The following N4BP2 variants were observed in gnomAD, a reference collection of about 807,000 sequenced individuals.
N4BP2 encodes NEDD4-binding protein 2.
A neutral mutation model predicts 152.8 loss-of-function variants in N4BP2; 91 were observed. The ratio of observed to expected loss-of-function variants is 0.60; its 90% CI spans 0.50 to 0.71. The LOEUF (loss-of-function observed/expected upper bound fraction) is 0.71, where lower values mean the gene tolerates loss of function less well. Ranked by LOEUF, N4BP2 falls within the 30% of genes least tolerant of loss-of-function variation. The pLI, the probability that N4BP2 is intolerant of heterozygous loss-of-function variation, is 0.00. For missense variants in N4BP2, 1,923 were observed against 2,059.1 expected, an observed-to-expected ratio of 0.93 and a Z score of 1.28; for synonymous variants, 646 against 705.3, an observed-to-expected ratio of 0.92 and a Z score of 1.33.
At chr4:40,075,253 T>G (rs1340758676) in intron 2 of N4BP2, among the ~76,000 whole-genome samples, 1 of 152,178 alleles carries the variant, frequency 6.6e-6, no homozygotes, top group Non-Finnish European at 1.5e-5. Flanking sequence ...AGACTAGTAC[T>G]GCAATAAGTA....
At position 40,097,314 on chromosome 4, in the gene N4BP2, G is replaced by T; in HGVS notation, c.-27G>T. The T allele has an allele frequency of 1.3e-6, 2 of 1,580,874 alleles. No individual in the cohort carries two copies. Among genetic ancestry groups the T allele is most frequent in the Non-Finnish European group, 1.7e-6 (2 of 1,150,874 alleles). Reference sequence around the variant, plus strand: ...TGTCAAACATCTTAACTAAGAAAAGGGAAACATTTTAGTTTTGGAAGTCAG... The same window carrying T: ...TGTCAAACATCTTAACTAAGAAAAGTGAAACATTTTAGTTTTGGAAGTCAG... On this transcript the variant is annotated 5_prime_UTR_variant, in exon 3 of 18. Coordinates refer to ENST00000261435, the MANE Select transcript of N4BP2 (RefSeq NM_018177.6).
At chr4:40,189,921 TAC>T in the N4BP2 span, among the ~76,000 whole-genome samples, 108 of 149,058 alleles carry the variant, frequency 7.2e-4, no homozygotes, top group Admixed American at 9.4e-4. The surrounding 1 kb of genome is among the most constrained non-coding windows in gnomAD (Gnocchi z 4.3). Flanking sequence ...CACAGACACA[TAC>T]ACACACACAC....
At chr4:40,109,574 C>T (rs574302424) in intron 5 of N4BP2, among the ~76,000 whole-genome samples, 12 of 151,976 alleles carry the variant, frequency 7.9e-5, no homozygotes, top group Admixed American at 1.3e-4. Flanking sequence ...AAAAATTAAC[C>T]GGGCATGGTG....
chr4:40,106,374 T>C (rs74961130), intron 4 of N4BP2, among the ~76,000 whole-genome samples: 5,112 of 152,192 alleles, frequency 0.034, 118 homozygotes, highest in Non-Finnish European at 0.052. Context: ...TCCAGTGCAG[T>C]GGTGCAACCT....
rs375166755 is a variant in N4BP2, at chr4:40,133,047, G to T, written c.4646+1128G>T. On this transcript the variant is annotated intron_variant, in intron 13 of 17. Transcript: ENST00000261435. ...TTCCCTCTGCTGTGGAAAGTTTAAA[G>T]AACTTAGTACCTTGAAGGTTCTGGG... Among the ~76,000 whole-genome samples, 11 of 152,122 alleles carry T rather than the reference G, an allele frequency of 7.2e-5. No individual in the cohort carries two copies. The East Asian group carries it at 1.4e-3, about 19-fold the overall frequency.
chr4:40,097,595 T>C (rs973451756), intron 3 of N4BP2, 26 bp downstream of exon 3: 1 of 1,377,308 alleles, frequency 7.3e-7, no homozygotes, highest in African/African-American at 1.4e-5. Context: ...GTTTGAACCC[T>C]GTCCATCTTA....
Position 40,097,356 on chromosome 4 carries a change from A to G in N4BP2, c.16A>G (p.Lys6Glu). MPRRRKNLGGNPFRKT... is the reference protein window; with the variant it reads MPRRRENLGGNPFRKT... ...GGAAGTCAGAATGCCAAGGAGAAGG[A>G]AAAATCTTGGGGGAAATCCTTTTCG... The change falls in exon 3 of 18, where the codon AAA becomes GAA. Residue 6 changes from lysine to glutamate, a missense_variant. Lys to Glu is a moderately conservative substitution (Grantham distance 56, BLOSUM62 1). Coordinates refer to ENST00000261435, the MANE Select transcript of N4BP2 (RefSeq NM_018177.6). 6.2e-7 allele frequency: 1 copy of G among 1,613,200 alleles called. No homozygotes were observed. The highest frequency in any genetic ancestry group is 8.5e-7 in the Non-Finnish European group (1 of 1,179,284).
intron 1 of N4BP2, among the ~76,000 whole-genome samples, chr4:40,063,666 G>A (rs144505923): frequency 0.021 from 3,138 of 151,702 alleles, 108 homozygotes; most frequent in African/African-American, 0.071. Flanking sequence ...TTTTTGAGAC[G>A]GAGTTTTGCT....
intron 1 of N4BP2, among the ~76,000 whole-genome samples, chr4:40,060,772 T>G (rs1733595881): frequency 6.6e-6 from 1 of 151,552 alleles, no homozygotes; most frequent in Non-Finnish European, 1.5e-5. Context: ...CTGGCTCATT[T>G]TTAAAATTTT....
chr4:40,097,392 A>C lies in N4BP2; in HGVS notation c.52A>C (p.Asn18His). Residue 18 changes from asparagine (N) to histidine (H), a missense_variant, in exon 3 of 18, where the codon AAC (asparagine) becomes CAC (histidine). Physicochemically the swap from Asn to His is moderately conservative, Grantham distance 68 (BLOSUM62 1). Transcript: ENST00000261435. ...GGGAAATCCTTTTCGGAAGACTGCA[A>C]ACCCTAAGGAAGTTGTCGTATCCAG... ...LGGNPFRKTA[N>H]PKEVVVSSVA... 1 of 1,614,144 alleles carries C rather than the reference A, an allele frequency of 6.2e-7. No homozygotes were observed. The highest frequency in any genetic ancestry group is 8.5e-7 in the Non-Finnish European group (1 of 1,179,994).
At chr4:40,081,820 T>TA (rs34381362) in intron 2 of N4BP2, among the ~76,000 whole-genome samples, 14,999 of 150,762 alleles carry the variant, frequency 0.099, 1,335 homozygotes, top group East Asian at 0.42. Flanking sequence ...TACTAAAAAA[T>TA]ACAAAAATAA....
intron 5 of N4BP2, among the ~76,000 whole-genome samples, chr4:40,107,739 T>C (rs1716458048): frequency 6.6e-6 from 1 of 152,166 alleles, no homozygotes; most frequent in Non-Finnish European, 1.5e-5. Context: ...ATTCTTATGT[T>C]ACATAGTAAG....
intron 13 of N4BP2, among the ~76,000 whole-genome samples, chr4:40,136,561 G>T (rs1006401613): frequency 2.0e-5 from 3 of 151,880 alleles, no homozygotes; most frequent in Non-Finnish European, 4.4e-5. Context: ...TAATTTTTGG[G>T]TTTTTTGTAG....
intron 2 of N4BP2, among the ~76,000 whole-genome samples, chr4:40,075,289 GTAT>G (rs1222977301): frequency 6.6e-6 from 1 of 152,128 alleles, no homozygotes; most frequent in Admixed American, 6.6e-5. Flanking sequence ...CAGTATTGAT[GTAT>G]TATACAGAAA....
At chr4:40,093,208 T>C (rs552678210) in intron 2 of N4BP2, among the ~76,000 whole-genome samples, 1 of 152,146 alleles carries the variant, frequency 6.6e-6, no homozygotes, top group African/African-American at 2.4e-5. Flanking sequence ...CCTCCCAAAG[T>C]GCTGGGATTA....
At chr4:40,064,526 G>T (rs936273473) in intron 1 of N4BP2, among the ~76,000 whole-genome samples, 1 of 152,094 alleles carries the variant, frequency 6.6e-6, no homozygotes, top group Non-Finnish European at 1.5e-5. Context: ...GCCTGCCTCG[G>T]CCTCCCAAAG....
chr4:40,170,340 C>T, the N4BP2 span, among the ~76,000 whole-genome samples: 19 of 151,474 alleles, frequency 1.3e-4, no homozygotes, highest in African/African-American at 3.9e-4. Flanking sequence ...GCAGGATGGC[C>T]GGGTGTGGTG....
intron 2 of N4BP2, among the ~76,000 whole-genome samples, chr4:40,083,872 G>T (rs1713653027): frequency 6.6e-6 from 1 of 152,070 alleles, no homozygotes; most frequent in Non-Finnish European, 1.5e-5. Context: ...AAATTTGGGA[G>T]CTCCCACACT....
Position 40,120,010 on chromosome 4 carries a change from TGAAGA to T in N4BP2, c.1905_1909del (p.Lys636SerfsTer2). On this transcript the variant is annotated frameshift_variant, in exon 9 of 18. Transcript: ENST00000261435. LOFTEE classifies it high-confidence loss of function. ...TATCTTTGAAGCATCTAGAGTTCAC[TGAAGA>T]GAAGAATCTTGATGTAACCAAAGAA... 1 of 1,584,872 alleles carries T rather than the reference TGAAGA, an allele frequency of 6.3e-7. No individual in the cohort carries two copies. Among genetic ancestry groups the T allele is most frequent in the Non-Finnish European group, 8.6e-7 (1 of 1,157,242 alleles).
Sources: allele counts gnomAD v4.1 joint callset (sites outside exome capture counted in the v4.1 genomes callset), GRCh38; gene constraint gnomAD v4.1.1; non-coding constraint Gnocchi (gnomAD v3.1); transcripts MANE v1.5; gene names NCBI Gene and HGNC (gene_info 2026-07-23, HGNC 2026-07-21).